CNTNAP2: variants seen among roughly 807,000 people sequenced by gnomAD.
CNTNAP2 encodes the protein contactin-associated protein-like 2.
CNTNAP2 carries 98 observed loss-of-function variants against 155.2 expected under a neutral mutation model. That is an observed-to-expected ratio of 0.63 (90% CI 0.54 to 0.75). The LOEUF (loss-of-function observed/expected upper bound fraction) is 0.75. CNTNAP2 is among the 30% of genes least tolerant of loss of function. The pLI is 0.00. For missense variants in CNTNAP2, 1,727 were observed against 1,688.1 expected, an observed-to-expected ratio of 1.02 and a Z score of -0.40; for synonymous variants, 651 against 631.2, an observed-to-expected ratio of 1.03 and a Z score of -0.47.
chr7:148,296,895 T>C (rs1449961828), intron 21 of CNTNAP2, among the ~76,000 whole-genome samples: 1 of 152,178 alleles, frequency 6.6e-6, no homozygotes, highest in Non-Finnish European at 1.5e-5. Context: ...TCAAAGAATG[T>C]TGATTGTAGG....
At chr7:146,181,284 G>A (rs979908346) in intron 1 of CNTNAP2, among the ~76,000 whole-genome samples, 1 of 152,032 alleles carries the variant, frequency 6.6e-6, no homozygotes, top group Non-Finnish European at 1.5e-5. Context: ...GGAGAGTTGG[G>A]TGTTTCAGCT....
chr7:147,455,001 T>C (rs1312051434), intron 10 of CNTNAP2, among the ~76,000 whole-genome samples: 1 of 152,162 alleles, frequency 6.6e-6, no homozygotes, highest in Non-Finnish European at 1.5e-5. Context: ...GTATGCCCCA[T>C]GGAAACTTGC....
chr7:146,468,444 G>C (rs200804165), intron 1 of CNTNAP2, among the ~76,000 whole-genome samples: 1 of 134,856 alleles, frequency 7.4e-6, no homozygotes, highest in Non-Finnish European at 1.6e-5. Context: ...AAGTCAGGAA[G>C]AAAAAAAAAA....
intron 1 of CNTNAP2, among the ~76,000 whole-genome samples, chr7:146,470,259 T>G (rs956281379): frequency 1.3e-5 from 2 of 152,190 alleles, no homozygotes; most frequent in African/African-American, 4.8e-5. Context: ...ATGGAATGAG[T>G]CTGTTGATAG....
intron 15 of CNTNAP2, among the ~76,000 whole-genome samples, chr7:148,042,367 G>T (rs576381506): frequency 5.9e-5 from 9 of 152,324 alleles, no homozygotes; most frequent in Admixed American, 5.9e-4. Flanking sequence ...AGGGCATGGT[G>T]GAGGGGGAAG....
chr7:146,734,600 A>G (rs927098690), intron 1 of CNTNAP2, among the ~76,000 whole-genome samples: 7 of 152,316 alleles, frequency 4.6e-5, no homozygotes, highest in African/African-American at 1.7e-4. Flanking sequence ...CATCAAGGAA[A>G]TAGATTAAAA....
intron 11 of CNTNAP2, among the ~76,000 whole-genome samples, chr7:147,503,696 A>T (rs551318849): frequency 2.9e-4 from 42 of 143,088 alleles, no homozygotes; most frequent in African/African-American, 1.0e-3. Flanking sequence ...AAAAAAAAAA[A>T]ATATTTTTGA....
In CNTNAP2 at chr7:147,184,459, T is replaced by C. The variant is rs565186300; in HGVS notation, c.1348+51950T>C. ...AGTATATAGAACTCTTGTATACTTA[T>C]ATACTCTTACAGACTCTTGTATAAA... On this transcript the variant is annotated intron_variant, in intron 8 of 23. Transcript: ENST00000361727. 2.0e-4 allele frequency among the ~76,000 whole-genome samples: 30 copies of C among 152,334 alleles called. No individual in the cohort carries two copies. In the South Asian group the frequency reaches 6.2e-3, roughly 32 times the overall value.
intron 16 of CNTNAP2, among the ~76,000 whole-genome samples, chr7:148,136,836 T>A (rs2116636708): frequency 6.6e-6 from 1 of 152,270 alleles, no homozygotes; most frequent in South Asian, 2.1e-4. Flanking sequence ...TACAAACTAG[T>A]CCTAAAAGGG....
At chr7:148,264,473 A>C (rs1796631271) in intron 20 of CNTNAP2, among the ~76,000 whole-genome samples, 1 of 152,158 alleles carries the variant, frequency 6.6e-6, no homozygotes. Flanking sequence ...CGACATTCAT[A>C]ATATATCATC....
At chr7:147,359,761 T>A (rs967540872) in intron 9 of CNTNAP2, among the ~76,000 whole-genome samples, 1 of 152,072 alleles carries the variant, frequency 6.6e-6, no homozygotes, top group African/African-American at 2.4e-5. Context: ...TGCCCAAATG[T>A]CACCTTCTTG....
chr7:148,393,829 T>A (rs1460794745), intron 22 of CNTNAP2, among the ~76,000 whole-genome samples: 1 of 152,094 alleles, frequency 6.6e-6, no homozygotes, highest in Non-Finnish European at 1.5e-5. Context: ...GGGTTAAGTA[T>A]CTTTGCATAT....
At chr7:147,033,160 GTATATATATAT>G (rs1799070113) in intron 3 of CNTNAP2, among the ~76,000 whole-genome samples, 4 of 90,858 alleles carry the variant, frequency 4.4e-5, no homozygotes, top group Non-Finnish European at 8.7e-5. Flanking sequence ...ATATATATAT[GTATATATATAT>G]ATATATATAT....
At chr7:146,880,588 G>A (rs1195657797) in intron 3 of CNTNAP2, among the ~76,000 whole-genome samples, 2 of 152,008 alleles carry the variant, frequency 1.3e-5, no homozygotes, top group African/African-American at 4.8e-5. Context: ...GGCCACAGAT[G>A]GGAGCTTTTT....
At position 148,093,609 on chromosome 7, in the gene CNTNAP2, C is replaced by T. The variant is rs1255830318; in HGVS notation, c.2384-24509C>T. 3.3e-5 allele frequency among the ~76,000 whole-genome samples: 5 copies of T among 152,318 alleles called. No homozygotes were observed. The East Asian group carries it at 9.7e-4, about 29-fold the overall frequency. On this transcript the variant is annotated intron_variant, in intron 15 of 23. Transcript: ENST00000361727. ...GGATTTTGTCCCTTACACATACCTT[C>T]GTTTTACAGACATCACAATGACAAA...
At chr7:146,414,300 G>T (rs902808549) in intron 1 of CNTNAP2, among the ~76,000 whole-genome samples, 5 of 152,174 alleles carry the variant, frequency 3.3e-5, no homozygotes, top group African/African-American at 1.2e-4. Context: ...TGATCAAATC[G>T]AGATTACAGA....
chr7:146,860,728 GA>G (rs1236470999), intron 3 of CNTNAP2, among the ~76,000 whole-genome samples: 3 of 151,070 alleles, frequency 2.0e-5, no homozygotes, highest in Non-Finnish European at 4.4e-5. Context: ...TCAAATGATT[GA>G]AAAAAAATTT....
chr7:146,907,941 A>G (rs941359558), intron 3 of CNTNAP2, among the ~76,000 whole-genome samples: 3 of 152,234 alleles, frequency 2.0e-5, no homozygotes, highest in African/African-American at 7.2e-5. Context: ...GCTCAAAATA[A>G]AAGGATGGAG....
At chr7:147,251,538 G>A (rs1804198014) in intron 8 of CNTNAP2, among the ~76,000 whole-genome samples, 1 of 152,174 alleles carries the variant, frequency 6.6e-6, no homozygotes, top group Non-Finnish European at 1.5e-5. Flanking sequence ...CCAAGTGAAT[G>A]GGTAGCACTA....
Sources: gnomAD v4.1 joint callset for allele counts (sites outside exome capture counted in the v4.1 genomes callset) on GRCh38, gnomAD v4.1.1 for gene constraint, MANE v1.5 for transcripts, NCBI Gene and HGNC (gene_info 2026-07-23, HGNC 2026-07-21) for gene names.